The following CNTNAP2 variants were observed in gnomAD, a reference collection of about 807,000 sequenced individuals.
The protein encoded by CNTNAP2 is contactin-associated protein-like 2.
In CNTNAP2, 98 loss-of-function variants were observed where a neutral mutation model predicts 155.2. That is an observed-to-expected ratio of 0.63 (90% CI 0.54 to 0.75). CNTNAP2 has a LOEUF of 0.75. Ranked by LOEUF, CNTNAP2 falls within the 30% of genes least tolerant of loss-of-function variation. CNTNAP2 has a pLI of 0.00. For missense variants in CNTNAP2, 1,727 were observed against 1,688.1 expected (o/e 1.02, Z -0.40); for synonymous variants, 651 against 631.2 (o/e 1.03, Z -0.47).
chr7:148,113,165 G>A (rs533784022), intron 15 of CNTNAP2, among the ~76,000 whole-genome samples: 4 of 152,280 alleles, frequency 2.6e-5, no homozygotes, highest in African/African-American at 9.6e-5. Flanking sequence ...AAGAAAAGAG[G>A]TTTAATTGGT....
intron 3 of CNTNAP2, among the ~76,000 whole-genome samples, chr7:146,989,839 A>C (rs911801991): frequency 1.3e-5 from 2 of 152,128 alleles, no homozygotes; most frequent in African/African-American, 4.8e-5. Context: ...TGATTCAAGA[A>C]CAACCACTGT....
chr7:147,858,123 T>C (rs764333731), intron 13 of CNTNAP2, among the ~76,000 whole-genome samples: 111 of 152,248 alleles, frequency 7.3e-4, no homozygotes, highest in Non-Finnish European at 2.1e-4. Context: ...AGTCTCACTC[T>C]GTTGCCCAGG....
chr7:146,615,910 C>T (rs1799216170), intron 1 of CNTNAP2, among the ~76,000 whole-genome samples: 1 of 152,156 alleles, frequency 6.6e-6, no homozygotes, highest in Non-Finnish European at 1.5e-5. Flanking sequence ...ACCAGTGCTT[C>T]CCTTGGAACA....
chr7:147,887,742 G>A (rs991745587), intron 13 of CNTNAP2, among the ~76,000 whole-genome samples: 5 of 152,098 alleles, frequency 3.3e-5, no homozygotes, highest in African/African-American at 1.2e-4. Flanking sequence ...AATCCAGGGG[G>A]TTAGACTCTC....
chr7:146,142,137 T>C (rs768972919), intron 1 of CNTNAP2, among the ~76,000 whole-genome samples: 11 of 152,176 alleles, frequency 7.2e-5, no homozygotes, highest in Non-Finnish European at 1.3e-4. Flanking sequence ...ATTTGCAATG[T>C]GAATAGAAAC....
chr7:147,864,769 T>A (rs934897116), intron 13 of CNTNAP2, among the ~76,000 whole-genome samples: 4 of 152,220 alleles, frequency 2.6e-5, no homozygotes, highest in African/African-American at 9.6e-5. Flanking sequence ...TTTTTGCACA[T>A]TGATTTTGTA....
intron 1 of CNTNAP2, among the ~76,000 whole-genome samples, chr7:146,134,456 G>C (rs1797766502): frequency 6.6e-6 from 1 of 151,244 alleles, no homozygotes; most frequent in Admixed American, 6.6e-5. Context: ...TGTTGAATAG[G>C]AGTGGTGAGA....
chr7:147,746,416 C>T (rs545135501), intron 13 of CNTNAP2, among the ~76,000 whole-genome samples: 55 of 152,240 alleles, frequency 3.6e-4, no homozygotes, highest in Non-Finnish European at 5.9e-4. Flanking sequence ...ATCACACAGA[C>T]GGAGCACAGT....
chr7:147,731,936 T>G (rs1488555941), intron 13 of CNTNAP2, among the ~76,000 whole-genome samples: 1 of 152,146 alleles, frequency 6.6e-6, no homozygotes, highest in African/African-American at 2.4e-5. Context: ...AGAAGTAGAA[T>G]TAAATTTTGA....
intron 4 of CNTNAP2, among the ~76,000 whole-genome samples, chr7:147,077,197 C>CT (rs994056351): frequency 5.9e-5 from 9 of 151,786 alleles, no homozygotes; most frequent in East Asian, 1.9e-4. Flanking sequence ...AGATTTTAAT[C>CT]TTTTTTTTAC....
intron 15 of CNTNAP2, among the ~76,000 whole-genome samples, chr7:148,047,403 T>C (rs1027581948): frequency 3.3e-5 from 5 of 152,230 alleles, no homozygotes; most frequent in Admixed American, 3.3e-4. Flanking sequence ...CCAACAGCTC[T>C]ATAACTAATG....
At chr7:146,163,533 A>C (rs868267920) in intron 1 of CNTNAP2, among the ~76,000 whole-genome samples, 4 of 143,268 alleles carry the variant, frequency 2.8e-5, no homozygotes, top group South Asian at 2.1e-4. Flanking sequence ...ATATCTATAT[A>C]TATCTATATC....
intron 16 of CNTNAP2, among the ~76,000 whole-genome samples, chr7:148,143,040 C>T (rs554268022): frequency 4.2e-4 from 64 of 152,186 alleles, no homozygotes; most frequent in Admixed American, 7.2e-4. Flanking sequence ...TCTTTTCTCC[C>T]TGTAATGATT....
At chr7:147,623,707 C>T (rs1048049355) in intron 12 of CNTNAP2, among the ~76,000 whole-genome samples, 1 of 151,530 alleles carries the variant, frequency 6.6e-6, no homozygotes, top group African/African-American at 2.4e-5. Context: ...AGTGTAATTC[C>T]TATGAAAATA....
chr7:146,759,826 G>A (rs1040351921), intron 1 of CNTNAP2, among the ~76,000 whole-genome samples: 13 of 151,790 alleles, frequency 8.6e-5, no homozygotes, highest in East Asian at 1.9e-4. Context: ...AAAAAGGTTC[G>A]CAGTTACCAT....
intron 1 of CNTNAP2, among the ~76,000 whole-genome samples, chr7:146,623,361 A>G (rs1396222796): frequency 1.3e-5 from 2 of 152,160 alleles, no homozygotes; most frequent in Admixed American, 1.3e-4. Context: ...CATAATATAT[A>G]TTCACCATTA....
In CNTNAP2 at chr7:147,132,515, T is replaced by C; in HGVS notation, c.1348+6T>C. The C allele has an allele frequency of 6.2e-7, 1 of 1,613,456 alleles. No homozygotes were observed. The highest frequency in any genetic ancestry group is 8.5e-7 in the Non-Finnish European group (1 of 1,179,592). On this transcript the variant is annotated splice_donor_region_variant and intron_variant, in intron 8 of 23. Coordinates refer to ENST00000361727, the MANE Select transcript of CNTNAP2 (RefSeq NM_014141.6). ...CCAAATCGATATTTCCTCAGGTCAGTGAAACCTATTTGACATTTGTTCCTG... is the reference window on the plus strand; with the variant it reads ...CCAAATCGATATTTCCTCAGGTCAGCGAAACCTATTTGACATTTGTTCCTG...
At chr7:148,134,512 A>G (rs1321124321) in intron 16 of CNTNAP2, among the ~76,000 whole-genome samples, 2 of 152,178 alleles carry the variant, frequency 1.3e-5, no homozygotes, top group Non-Finnish European at 2.9e-5. Flanking sequence ...AAATTATTTT[A>G]TGGTAAAGTT....
chr7:148,118,252 A>G lies in CNTNAP2; in HGVS notation c.2518A>G (p.Met840Val), dbSNP rs1804518982. Residue 840 changes from methionine (M) to valine (V), a missense_variant, in exon 16 of 24, where the codon ATG (methionine) becomes GTG (valine). Physicochemically the swap from Met to Val is conservative, Grantham distance 21 (BLOSUM62 1). Coordinates refer to ENST00000361727, the MANE Select transcript of CNTNAP2 (RefSeq NM_014141.6). ...LTPWGVFLEN[M>V]GKEDFIKLEL... ...CCCCTGGGGAGTGTTTCTTGAAAATATGGGAAAGGAAGATTTCATCAAGCT... is the reference window on the plus strand; with the variant it reads ...CCCCTGGGGAGTGTTTCTTGAAAATGTGGGAAAGGAAGATTTCATCAAGCT... The G allele has an allele frequency of 2.5e-6, 4 of 1,614,156 alleles. No homozygotes were observed. Among genetic ancestry groups the G allele is most frequent in the Non-Finnish European group, 3.4e-6 (4 of 1,180,022 alleles).
Sources: gnomAD v4.1 joint callset for allele counts (sites outside exome capture counted in the v4.1 genomes callset) on GRCh38, gnomAD v4.1.1 for gene constraint, MANE v1.5 for transcripts, NCBI Gene and HGNC (gene_info 2026-07-23, HGNC 2026-07-21) for gene names.